The following IGLON5 variants were observed in gnomAD, a reference collection of about 807,000 sequenced individuals.
IGLON5 encodes IgLON family member 5.
In IGLON5, 16 loss-of-function variants were observed where a neutral mutation model predicts 38.2. The ratio of observed to expected loss-of-function variants is 0.42; its 90% CI spans 0.28 to 0.64. The LOEUF is 0.64. IGLON5 is among the 30% of genes least tolerant of loss of function. IGLON5 has a pLI of 0.23. For synonymous variants in IGLON5, 207 were observed against 216.4 expected, an observed-to-expected ratio of 0.96 and a Z score of 0.38; for missense variants, 366 against 483.4, an observed-to-expected ratio of 0.76 and a Z score of 2.28.
In IGLON5 at chr19:51,325,090, A is replaced by G. The variant is rs1427616190; in HGVS notation, c.392-256A>G. Among the ~76,000 whole-genome samples the G allele has an allele frequency of 6.6e-6, 1 of 152,144 alleles. No homozygotes were observed. Among genetic ancestry groups the G allele is most frequent in the Admixed American group, 6.5e-5 (1 of 15,278 alleles). On this transcript the variant is annotated intron_variant, in intron 3 of 7. Coordinates refer to ENST00000270642, the MANE Select transcript of IGLON5 (RefSeq NM_001101372.3). This position sits in a 1 kb window ranked among gnomAD's most constrained non-coding sequence, Gnocchi z 5.5. The stretch of plus-strand genomic sequence containing the variant: ...TTAGACAAGAAGATGCCAGGCCCAG[A>G]CAGAGGTTTCAGAGAAAAAGGCAGA...
chr19:51,314,017 T>C (rs557544075), intron 1 of IGLON5, among the ~76,000 whole-genome samples: 1 of 152,052 alleles, frequency 6.6e-6, no homozygotes, highest in Non-Finnish European at 1.5e-5. Context: ...TGTGAGCCAC[T>C]GCACCAGCCA....
chr19:51,313,365 G>A (rs535635794), intron 1 of IGLON5, among the ~76,000 whole-genome samples: 4 of 152,114 alleles, frequency 2.6e-5, no homozygotes, highest in Non-Finnish European at 5.9e-5. Flanking sequence ...CTTTCCACCT[G>A]CCTCTGTCTC....
In IGLON5 at chr19:51,324,580, C is replaced by T. The variant is rs1050783738; in HGVS notation, c.391+686C>T. ...GCCTGGGTTCCAACCTCAGTGCCAC[C>T]GTCCACCAGCCCAGGGACCTTGAGC... On this transcript the variant is annotated intron_variant, in intron 3 of 7. Coordinates refer to ENST00000270642, the MANE Select transcript of IGLON5 (RefSeq NM_001101372.3). The surrounding 1 kb of genome is among the most constrained non-coding windows in gnomAD (Gnocchi z 4.2). 2.0e-5 allele frequency among the ~76,000 whole-genome samples: 3 copies of T among 152,094 alleles called. No homozygotes were observed. Among genetic ancestry groups the T allele is most frequent in the Non-Finnish European group, 2.9e-5 (2 of 68,030 alleles).
At position 51,325,328 on chromosome 19, in the gene IGLON5, C is replaced by T; in HGVS notation, c.392-18C>T. ...GGATTCCTGGGCATCCATATTCAGC[C>T]TCTGCCGCTGCCCGCAGTCCCTGCC... On this transcript the variant is annotated intron_variant, in intron 3 of 7. Transcript: ENST00000270642. This position sits in a 1 kb window ranked among gnomAD's most constrained non-coding sequence, Gnocchi z 5.5. The T allele has an allele frequency of 6.2e-7, 1 of 1,611,432 alleles. No homozygotes were observed. Among genetic ancestry groups the T allele is most frequent in the Non-Finnish European group, 8.5e-7 (1 of 1,178,850 alleles).
chr19:51,327,952 A>G lies in IGLON5; in HGVS notation c.922+66A>G. 2.1e-6 allele frequency: 3 copies of G among 1,426,390 alleles called. No individual in the cohort carries two copies. The highest frequency in any genetic ancestry group is 1.8e-6 in the Non-Finnish European group (2 of 1,087,352). 88.4% of individuals were successfully genotyped at this position (1,426,390 alleles called of 1,614,324 possible). ...GCCGGGGGCGGGGCTAGGGAAGTGG[A>G]GACGCCGGGACCGCCCTTCAGGCTG... On this transcript the variant is annotated intron_variant, in intron 7 of 7. Transcript: ENST00000270642. This position sits in a 1 kb window ranked among gnomAD's most constrained non-coding sequence, Gnocchi z 7.1.
At position 51,313,705 on chromosome 19, in the gene IGLON5, C is replaced by T. The variant is rs1185621195; in HGVS notation, c.79+1779C>T. On this transcript the variant is annotated intron_variant, in intron 1 of 7. Transcript: ENST00000270642. ...TTTCTTTCTTTCTTTCTTCTTTCTT[C>T]TCTTTTTTTCTTTCTTTTTCTTGTT... Among the ~76,000 whole-genome samples, 5 of 34,262 alleles carry T rather than the reference C, an allele frequency of 1.5e-4. No homozygotes were observed. In the South Asian group the frequency reaches 3.1e-3, roughly 21 times the overall value. 22.5% of individuals were successfully genotyped at this position (34,262 alleles called of 152,430 possible). A position where few individuals can be genotyped will look rare whatever the true frequency, so the allele number is the denominator to read the frequency against.
intron 1 of IGLON5, among the ~76,000 whole-genome samples, chr19:51,321,816 ATGTGTCTGCTGTGAT>A (rs1323398034): frequency 3.3e-5 from 5 of 152,166 alleles, no homozygotes; most frequent in African/African-American, 9.7e-5. Context: ...TACATGTTGC[ATGTGTCTGCTGTGAT>A]TGTGTCTGCT....
chr19:51,330,343 C>T lies in IGLON5; in HGVS notation c.*1584C>T, dbSNP rs1452257746. ...GTTGAGACCACCACACCAATAAACG[C>T]CTTTTTCCAAAGTCTGCCTGCAGGT... is the stretch of plus-strand genomic sequence containing the variant. On this transcript the variant is annotated 3_prime_UTR_variant, in exon 8 of 8. Coordinates refer to ENST00000270642, the MANE Select transcript of IGLON5 (RefSeq NM_001101372.3). 2 of 152,316 alleles carry T rather than the reference C, an allele frequency of 1.3e-5. No homozygotes were observed. Among genetic ancestry groups the T allele is most frequent in the African/African-American group, 2.4e-5 (1 of 41,462 alleles). 9.4% of individuals were successfully genotyped at this position (152,316 alleles called of 1,614,324 possible). A position where few individuals can be genotyped will look rare whatever the true frequency, so the allele number is the denominator to read the frequency against.
rs554324290 is a variant in IGLON5 at position 51,324,517 on chromosome 19, A to G, written c.391+623A>G. Among the ~76,000 whole-genome samples, 2 of 152,166 alleles carry G rather than the reference A, an allele frequency of 1.3e-5. No homozygotes were observed. The highest frequency in any genetic ancestry group is 3.9e-4 in the East Asian group (2 of 5,138). Reference sequence around the variant, plus strand: ...CAGGACCTGGAGACAGAGAGAATCCAGGGGGATCCTGGCAAGCTCCAACTC... The same window carrying G: ...CAGGACCTGGAGACAGAGAGAATCCGGGGGGATCCTGGCAAGCTCCAACTC... On this transcript the variant is annotated intron_variant, in intron 3 of 7. Transcript: ENST00000270642. The surrounding 1 kb of genome is among the most constrained non-coding windows in gnomAD (Gnocchi z 4.2).
intron 1 of IGLON5, among the ~76,000 whole-genome samples, chr19:51,320,628 T>C (rs1230509554): frequency 6.6e-6 from 1 of 152,178 alleles, no homozygotes; most frequent in East Asian, 1.9e-4. Flanking sequence ...CCTGGCAAAC[T>C]TGAGCACACA....
chr19:51,322,187 C>T (rs369864990), intron 2 of IGLON5, 45 bp downstream of exon 2: 19 of 1,457,312 alleles, frequency 1.3e-5, no homozygotes, highest in Middle Eastern at 1.7e-4. Context: ...TGGAGCCATG[C>T]GGTCCTGCCC....
chr19:51,315,937 G>A (rs1290612967), intron 1 of IGLON5, among the ~76,000 whole-genome samples: 1 of 151,826 alleles, frequency 6.6e-6, no homozygotes, highest in South Asian at 2.1e-4. Context: ...CTCATGATCC[G>A]CCCGTCTTGG....
chr19:51,326,879 C>T lies in IGLON5; in HGVS notation c.627C>T (p.Arg209=), dbSNP rs1158502717. 3.2e-6 allele frequency: 5 copies of T among 1,566,596 alleles called. No individual in the cohort carries two copies. The highest frequency in any genetic ancestry group is 8.7e-7 in the Non-Finnish European group (1 of 1,155,656). ...NGVNSAPDSR[R]VLVTVNYPPT... ...TTAACTCGGCGCCCGACAGCCGCCG[C>T]GTGCTGGTCACAGTCAACTGTGAGC... Residue 209 remains arginine (R), a synonymous_variant, in exon 5 of 8, where the codon CGC becomes CGT. Coordinates refer to ENST00000270642, the MANE Select transcript of IGLON5 (RefSeq NM_001101372.3).
intron 7 of IGLON5, among the ~76,000 whole-genome samples, chr19:51,328,220 G>T (rs1385428697): frequency 6.6e-6 from 1 of 152,072 alleles, no homozygotes; most frequent in African/African-American, 2.4e-5. Context: ...AATTTTGGAG[G>T]CCGGGCGTGG....
At chr19:51,315,017 C>A (rs561308103) in intron 1 of IGLON5, among the ~76,000 whole-genome samples, 32 of 152,126 alleles carry the variant, frequency 2.1e-4, no homozygotes, top group Admixed American at 3.3e-4. Context: ...ACAAAATAAG[C>A]CCATTTCTCT....
rs1344547270 is a variant in IGLON5 at position 51,327,929 on chromosome 19, C to A, written c.922+43C>A. 1.4e-5 allele frequency: 13 copies of A among 940,542 alleles called. No homozygotes were observed. The highest frequency in any genetic ancestry group is 7.5e-5 in the South Asian group (4 of 53,018). 58.3% of individuals were successfully genotyped at this position (940,542 alleles called of 1,614,324 possible). On this transcript the variant is annotated intron_variant, in intron 7 of 7. Coordinates refer to ENST00000270642, the MANE Select transcript of IGLON5 (RefSeq NM_001101372.3). This position sits in a 1 kb window ranked among gnomAD's most constrained non-coding sequence, Gnocchi z 7.1. ...GCGGGGCCGGGAAGGTGGGCGGGGC[C>A]GGGGGCGGGGCTAGGGAAGTGGAGA...
At chr19:51,320,912 T>C (rs1267310587) in intron 1 of IGLON5, among the ~76,000 whole-genome samples, 1 of 152,192 alleles carries the variant, frequency 6.6e-6, no homozygotes, top group African/African-American at 2.4e-5. Flanking sequence ...TTCACGTATA[T>C]ATGTGTGTTT....
At position 51,326,707 on chromosome 19, in the gene IGLON5, G is replaced by A. The variant is rs550984348; in HGVS notation, c.512-57G>A. The A allele has an allele frequency of 6.3e-5, 82 of 1,300,146 alleles. No homozygotes were observed. In the East Asian group the frequency reaches 2.7e-3, roughly 43 times the overall value. The allele number at this position is 1,300,146 out of a possible 1,614,324, so 80.5% of individuals were successfully genotyped here. On this transcript the variant is annotated intron_variant, in intron 4 of 7. Coordinates refer to ENST00000270642, the MANE Select transcript of IGLON5 (RefSeq NM_001101372.3). ...TGTGTGTCCGTGTTGTGCCCGTGTT[G>A]TCCCGTGTTAAGTGTTTGTGTCCGG...
intron 1 of IGLON5, among the ~76,000 whole-genome samples, chr19:51,313,627 C>CT (rs1179428147): frequency 4.0e-5 from 5 of 123,966 alleles, no homozygotes; most frequent in African/African-American, 2.6e-4. Context: ...CCTTCTTTCT[C>CT]TTTTTCTCTC....
Sources: gnomAD v4.1 joint callset for allele counts (sites outside exome capture counted in the v4.1 genomes callset) on GRCh38, gnomAD v4.1.1 for gene constraint, Gnocchi (gnomAD v3.1) non-coding constraint, MANE v1.5 for transcripts, NCBI Gene and HGNC (gene_info 2026-07-23, HGNC 2026-07-21) for gene names.